The following ZBTB20 variants were observed in gnomAD, a reference collection of about 807,000 sequenced individuals.
ZBTB20 encodes zinc finger and BTB domain-containing protein 20.
In ZBTB20, 9 loss-of-function variants were observed where a neutral mutation model predicts 56.9. The ratio of observed to expected loss-of-function variants is 0.16; its 90% CI spans 0.10 to 0.28. The LOEUF (loss-of-function observed/expected upper bound fraction) is 0.28, where lower values mean the gene tolerates loss of function less well. Among genes scored for constraint, ZBTB20 ranks in the 10% least tolerant of loss-of-function variants. The probability of loss-of-function intolerance (pLI) is 1.00; values close to 1 mark genes in which losing one functional copy is unlikely to be tolerated. For synonymous variants in ZBTB20, 417 were observed against 420.7 expected, an observed-to-expected ratio of 0.99 and a Z score of 0.11; for missense variants, 655 against 1,003.0, an observed-to-expected ratio of 0.65 and a Z score of 4.69.
At chr3:115,144,652 G>A (rs2084912639) in intron 1 of ZBTB20, among the ~76,000 whole-genome samples, 1 of 152,042 alleles carries the variant, frequency 6.6e-6, no homozygotes, top group African/African-American at 2.4e-5. Context: ...TTAGTAGCTA[G>A]TCAATGTACA....
intron 7 of ZBTB20, among the ~76,000 whole-genome samples, chr3:114,398,329 T>C (rs570548324): frequency 1.3e-5 from 2 of 152,264 alleles, no homozygotes; most frequent in East Asian, 3.9e-4. Context: ...CAGTAGGATG[T>C]TATAACCATG....
chr3:114,928,860 C>T (rs966323927), intron 3 of ZBTB20, among the ~76,000 whole-genome samples: 1 of 152,110 alleles, frequency 6.6e-6, no homozygotes, highest in Admixed American at 6.5e-5. Context: ...CACTTAGAAA[C>T]AAAGAAATAA....
intron 3 of ZBTB20, among the ~76,000 whole-genome samples, chr3:114,918,842 G>A (rs1169963299): frequency 6.6e-6 from 1 of 152,132 alleles, no homozygotes; most frequent in East Asian, 1.9e-4. Flanking sequence ...AGGAGGGGTG[G>A]CAGAAGCCCT....
chr3:114,338,092 A>G lies in ZBTB20; in HGVS notation c.*913T>C, dbSNP rs966708149. ...CTCTTCCACAAGAATATATCCTGAC[A>G]CTTTTTTTTTTTTTGCAAAGATTGT... On this transcript the variant is annotated 3_prime_UTR_variant, in exon 12 of 12. Transcript: ENST00000675478. 7.1e-5 allele frequency: 9 copies of G among 126,620 alleles called. No individual in the cohort carries two copies. The highest frequency in any genetic ancestry group is 1.1e-4 in the Non-Finnish European group (6 of 55,292). 7.8% of individuals were successfully genotyped at this position (126,620 alleles called of 1,614,324 possible).
intron 2 of ZBTB20, among the ~76,000 whole-genome samples, chr3:115,005,329 T>A (rs1349938423): frequency 1.3e-5 from 2 of 151,816 alleles, no homozygotes; most frequent in African/African-American, 4.8e-5. Flanking sequence ...TGTATAAATT[T>A]ATCTGTATAA....
At chr3:114,692,515 T>G (rs2062760367) in intron 6 of ZBTB20, among the ~76,000 whole-genome samples, 2 of 151,962 alleles carry the variant, frequency 1.3e-5, no homozygotes, top group Non-Finnish European at 2.9e-5. Flanking sequence ...AAGTCAAGAG[T>G]GTAACTTTTA....
chr3:114,544,257 T>C (rs1053836706), intron 6 of ZBTB20, among the ~76,000 whole-genome samples: 2 of 151,618 alleles, frequency 1.3e-5, no homozygotes, highest in Non-Finnish European at 2.9e-5. Context: ...TTTTACCTTC[T>C]TTCTAAAATG....
At chr3:114,452,551 T>C (rs1040906113) in intron 7 of ZBTB20, among the ~76,000 whole-genome samples, 1 of 152,136 alleles carries the variant, frequency 6.6e-6, no homozygotes, top group South Asian at 2.1e-4. Flanking sequence ...TGTTATCAAG[T>C]TACTTCAAAC....
chr3:115,064,695 T>C (rs2082142498), intron 2 of ZBTB20, among the ~76,000 whole-genome samples: 1 of 152,042 alleles, frequency 6.6e-6, no homozygotes, highest in African/African-American at 2.4e-5. Context: ...GTGATCCACC[T>C]GCCTCAGCCT....
At chr3:114,357,980 CAT>C (rs1166730384) in intron 10 of ZBTB20, among the ~76,000 whole-genome samples, 7 of 152,174 alleles carry the variant, frequency 4.6e-5, no homozygotes. Flanking sequence ...TTATGACAGA[CAT>C]ATAGTTTACA....
At chr3:114,507,511 T>C (rs1457264964) in intron 6 of ZBTB20, among the ~76,000 whole-genome samples, 5 of 152,170 alleles carry the variant, frequency 3.3e-5, no homozygotes, top group African/African-American at 1.2e-4. Flanking sequence ...ATTTTTGTCC[T>C]AGGGCAAAAT....
chr3:114,694,396 G>C (rs914653359), intron 5 of ZBTB20, among the ~76,000 whole-genome samples: 1 of 152,034 alleles, frequency 6.6e-6, no homozygotes. Context: ...GCTACAGGTG[G>C]TTTTCCCAAA....
At chr3:115,144,424 T>C (rs974816964) in intron 1 of ZBTB20, among the ~76,000 whole-genome samples, 2 of 152,188 alleles carry the variant, frequency 1.3e-5, no homozygotes, top group Non-Finnish European at 2.9e-5. Flanking sequence ...TAAAATATTT[T>C]TTCCTTAGAT....
chr3:114,868,645 T>C (rs143896622), intron 4 of ZBTB20, among the ~76,000 whole-genome samples: 1 of 152,282 alleles, frequency 6.6e-6, no homozygotes, highest in East Asian at 1.9e-4. Flanking sequence ...ATAAGCTCTC[T>C]ACCATACATA....
intron 11 of ZBTB20, among the ~76,000 whole-genome samples, chr3:114,346,728 C>T (rs114548754): frequency 2.7e-4 from 40 of 149,380 alleles, no homozygotes; most frequent in Admixed American, 5.4e-4. Context: ...CTATGTTGCC[C>T]GGGGTGGAGT....
intron 3 of ZBTB20, among the ~76,000 whole-genome samples, chr3:114,970,629 T>G (rs1253052788): frequency 6.6e-6 from 1 of 152,222 alleles, no homozygotes; most frequent in Non-Finnish European, 1.5e-5. Context: ...ACGTAAGTTA[T>G]GCATTAGTCA....
chr3:114,739,440 CAT>C (rs2066418093), intron 5 of ZBTB20, among the ~76,000 whole-genome samples: 3 of 152,158 alleles, frequency 2.0e-5, no homozygotes, highest in African/African-American at 7.2e-5. Flanking sequence ...GTTTAAAAAA[CAT>C]AGTCCACCAT....
chr3:114,787,362 TATATATAC>T (rs1473603276), intron 5 of ZBTB20, among the ~76,000 whole-genome samples: 83 of 71,376 alleles, frequency 1.2e-3, no homozygotes, highest in South Asian at 8.4e-3. Flanking sequence ...TATATATATA[TATATATAC>T]ACACACACAC....
At chr3:114,719,710 G>C (rs2064770591) in intron 5 of ZBTB20, among the ~76,000 whole-genome samples, 1 of 152,082 alleles carries the variant, frequency 6.6e-6, no homozygotes, top group Admixed American at 6.6e-5. Context: ...TACAAATATT[G>C]TTCTCTGGTT....
Sources: gnomAD v4.1 joint callset for allele counts (sites outside exome capture counted in the v4.1 genomes callset) on GRCh38, gnomAD v4.1.1 for gene constraint, MANE v1.5 for transcripts, NCBI Gene and HGNC (gene_info 2026-07-23, HGNC 2026-07-21) for gene names.